Variants in ULK4 observed in about 807,000 individuals in gnomAD.
ULK4 encodes unc-51 like kinase 4, also known as inactive serine/threonine-protein kinase ULK4.
Under a neutral mutation model 160.6 loss-of-function variants are expected in ULK4, and 133 were observed. The observed-to-expected ratio is 0.83, with a 90% CI of 0.72 to 0.96. The LOEUF is 0.96. Among genes scored for constraint, ULK4 ranks in the 40% least tolerant of loss-of-function variants. The pLI is 0.00. For synonymous variants in ULK4, 534 were observed against 539.8 expected, an observed-to-expected ratio of 0.99 and a Z score of 0.15; for missense variants, 1,580 against 1,499.5, an observed-to-expected ratio of 1.05 and a Z score of -0.89.
At chr3:41,547,281 G>A (rs912910772) in intron 32 of ULK4, among the ~76,000 whole-genome samples, 5 of 152,166 alleles carry the variant, frequency 3.3e-5, no homozygotes, top group South Asian at 2.1e-4. Flanking sequence ...CACACATGTC[G>A]TCCAAAAGGA....
chr3:41,894,319 C>T (rs1716696), intron 16 of ULK4, among the ~76,000 whole-genome samples: 103,857 of 152,120 alleles, frequency 0.68, 39,110 homozygotes, highest in East Asian at 0.83. Context: ...AAAAATCCTA[C>T]TTTTTATTAC....
intron 35 of ULK4, among the ~76,000 whole-genome samples, chr3:41,367,317 T>C (rs576762098): frequency 6.6e-6 from 1 of 152,334 alleles, no homozygotes; most frequent in Admixed American, 6.5e-5. Flanking sequence ...GTAGGCAGCC[T>C]CACCCTGGAG....
At chr3:41,808,983 T>C (rs1378090443) in intron 19 of ULK4, among the ~76,000 whole-genome samples, 1 of 152,006 alleles carries the variant, frequency 6.6e-6, no homozygotes, top group Non-Finnish European at 1.5e-5. Flanking sequence ...CTGACCAACA[T>C]GGTGAAACCC....
chr3:41,536,741 G>A (rs115011068), intron 32 of ULK4, among the ~76,000 whole-genome samples: 417 of 152,266 alleles, frequency 2.7e-3, no homozygotes, highest in African/African-American at 9.5e-3. Context: ...AGGAGGAAGA[G>A]GAGGGGTTGG....
intron 32 of ULK4, among the ~76,000 whole-genome samples, chr3:41,468,128 T>C (rs1319351065): frequency 1.3e-5 from 2 of 152,286 alleles, no homozygotes; most frequent in East Asian, 3.9e-4. Context: ...TAATTTTAAG[T>C]TAACTTTTAA....
chr3:41,488,127 G>C (rs1428695012), intron 32 of ULK4, among the ~76,000 whole-genome samples: 3 of 152,182 alleles, frequency 2.0e-5, no homozygotes, highest in Non-Finnish European at 4.4e-5. Flanking sequence ...ATAAAATATG[G>C]ACAACCGAGT....
rs77384519 is a variant in ULK4 at position 41,355,224 on chromosome 3, G to A, written c.3678+42855C>T. Among the ~76,000 whole-genome samples the A allele has an allele frequency of 9.5e-3, 1,453 of 152,238 alleles. 13 individuals carry two copies. The highest frequency in any genetic ancestry group is 0.025 in the African/African-American group (1,045 of 41,550). On this transcript the variant is annotated intron_variant, in intron 35 of 36. Coordinates refer to ENST00000301831, the MANE Select transcript of ULK4 (RefSeq NM_017886.4). ...ACCCAAAAGACAGAGATGCTTTGAG[G>A]TGGAATGGCACACCCATACTCTTCA...
At chr3:41,406,561 T>C (rs1291259434) in intron 34 of ULK4, among the ~76,000 whole-genome samples, 1 of 152,180 alleles carries the variant, frequency 6.6e-6, no homozygotes. Context: ...GTTATCTCTG[T>C]CCTATAATTG....
At chr3:41,513,657 A>T (rs1173421115) in intron 32 of ULK4, among the ~76,000 whole-genome samples, 5 of 152,236 alleles carry the variant, frequency 3.3e-5, no homozygotes, top group Non-Finnish European at 7.3e-5. Context: ...AAATAATGAC[A>T]TTCACAGCAA....
chr3:41,646,975 T>G (rs1283421335), intron 30 of ULK4, among the ~76,000 whole-genome samples: 2 of 152,250 alleles, frequency 1.3e-5, no homozygotes, highest in Non-Finnish European at 2.9e-5. Context: ...TTTCTTCCAG[T>G]TGATCGCATC....
intron 20 of ULK4, among the ~76,000 whole-genome samples, chr3:41,797,953 A>G (rs1214560468): frequency 6.6e-6 from 1 of 152,026 alleles, no homozygotes; most frequent in African/African-American, 2.4e-5. Context: ...AAAAGAAAGA[A>G]AGAGAAAAGA....
chr3:41,269,790 T>C (rs1044091926), intron 35 of ULK4, among the ~76,000 whole-genome samples: 22 of 152,290 alleles, frequency 1.4e-4, no homozygotes, highest in Admixed American at 1.4e-3. Context: ...TCTTATAAAG[T>C]TAAGTTACCT....
intron 31 of ULK4, among the ~76,000 whole-genome samples, chr3:41,569,486 A>G (rs1043111277): frequency 4.6e-5 from 7 of 152,190 alleles, no homozygotes; most frequent in African/African-American, 1.7e-4. Context: ...TCACAGTATC[A>G]TACCAGTGGA....
chr3:41,825,421 T>A (rs1000124145), intron 18 of ULK4, among the ~76,000 whole-genome samples: 1 of 151,938 alleles, frequency 6.6e-6, no homozygotes, highest in African/African-American at 2.4e-5. Flanking sequence ...TGAAAAAAAA[T>A]TAGACAAATG....
chr3:41,357,416 C>T (rs551199009), intron 35 of ULK4, among the ~76,000 whole-genome samples: 2 of 152,124 alleles, frequency 1.3e-5, no homozygotes, highest in East Asian at 3.9e-4. Flanking sequence ...GAACGCTCTC[C>T]GGAGTGCTCG....
intron 31 of ULK4, among the ~76,000 whole-genome samples, chr3:41,578,103 T>C (rs1437241137): frequency 6.6e-6 from 1 of 152,184 alleles, no homozygotes; most frequent in Non-Finnish European, 1.5e-5. Context: ...TCTAATAGAA[T>C]TTTTCAGTTT....
intron 17 of ULK4, among the ~76,000 whole-genome samples, chr3:41,865,023 G>C (rs971250494): frequency 6.6e-6 from 1 of 151,992 alleles, no homozygotes; most frequent in Non-Finnish European, 1.5e-5. Flanking sequence ...TGTAATCCCA[G>C]GACTTTGGGA....
chr3:41,558,290 A>G (rs920445654), intron 32 of ULK4, among the ~76,000 whole-genome samples: 1 of 152,200 alleles, frequency 6.6e-6, no homozygotes, highest in Non-Finnish European at 1.5e-5. Flanking sequence ...GTAAAAGAAT[A>G]AAGATCTCTA....
intron 34 of ULK4, among the ~76,000 whole-genome samples, chr3:41,417,393 C>T (rs938278100): frequency 6.6e-6 from 1 of 152,034 alleles, no homozygotes; most frequent in African/African-American, 2.4e-5. Context: ...AGCTGAAACA[C>T]CTGAAAGAGG....
Sources: gnomAD v4.1 joint callset for allele counts (sites outside exome capture counted in the v4.1 genomes callset) on GRCh38, gnomAD v4.1.1 for gene constraint, MANE v1.5 for transcripts, NCBI Gene and HGNC (gene_info 2026-07-23, HGNC 2026-07-21) for gene names.